Variants in ASB15 observed in about 807,000 individuals in gnomAD.
The protein encoded by ASB15 is ankyrin repeat and SOCS box protein 15.
Under a neutral mutation model 58.0 loss-of-function variants are expected in ASB15, and 54 were observed. That is an observed-to-expected ratio of 0.93 (90% confidence interval 0.75 to 1.17). The LOEUF is 1.17. Among genes scored for constraint, ASB15 ranks in the 50% most tolerant of loss-of-function variants. The pLI is 0.00. For synonymous variants in ASB15, 249 were observed against 262.4 expected (o/e 0.95, Z 0.50); for missense variants, 680 against 707.4 (o/e 0.96, Z 0.44).
chr7:123,572,173 C>T (rs138143283), intron 1 of ASB15, among the ~76,000 whole-genome samples: 1,692 of 110,898 alleles, frequency 0.015, 41 homozygotes, highest in African/African-American at 0.054. Context: ...GACAGAGTCT[C>T]ACTCTGTCAC....
chr7:123,606,359 G>A (rs886857476), intron 2 of ASB15, among the ~76,000 whole-genome samples: 2 of 152,090 alleles, frequency 1.3e-5, no homozygotes, highest in Admixed American at 1.3e-4. Context: ...TCTTCTCGAG[G>A]TCACCAAGGT....
intron 1 of ASB15, among the ~76,000 whole-genome samples, chr7:123,569,946 T>C (rs1283304298): frequency 1.3e-5 from 2 of 152,124 alleles, no homozygotes; most frequent in African/African-American, 4.8e-5. Flanking sequence ...GTTATTATTA[T>C]GTTTTTGACT....
At chr7:123,570,837 T>C (rs1206477689) in intron 1 of ASB15, among the ~76,000 whole-genome samples, 1 of 152,126 alleles carries the variant, frequency 6.6e-6, no homozygotes, top group Admixed American at 6.5e-5. Flanking sequence ...TCTAACAAAT[T>C]TACCTGTCCA....
At chr7:123,609,559 G>A (rs1324335287) in intron 3 of ASB15, among the ~76,000 whole-genome samples, 1 of 152,190 alleles carries the variant, frequency 6.6e-6, no homozygotes, top group Non-Finnish European at 1.5e-5. Context: ...GCCTTGTTTA[G>A]GACTCATAGA....
chr7:123,589,830 T>C (rs1799483575), intron 1 of ASB15, among the ~76,000 whole-genome samples: 1 of 152,224 alleles, frequency 6.6e-6, no homozygotes, highest in Non-Finnish European at 1.5e-5. Context: ...TTCGGGTATA[T>C]ACCCAGTAAT....
Position 123,639,006 on chromosome 7 carries a change from T to C in ASB15, c.*2025T>C, listed in dbSNP as rs1802536353. ...TATATTGAATAAGTGACAAAAATAA[T>C]CAGTGACATCATGGTGAAATAATAG... On this transcript the variant is annotated 3_prime_UTR_variant, in exon 12 of 12. Coordinates refer to ENST00000451215, the MANE Select transcript of ASB15 (RefSeq NM_001290258.2). 6.6e-6 allele frequency: 1 copy of C among 152,204 alleles called. No individual in the cohort carries two copies. The highest frequency in any genetic ancestry group is 2.1e-4 in the South Asian group (1 of 4,834). 9.4% of individuals were successfully genotyped at this position (152,204 alleles called of 1,614,324 possible).
At chr7:123,621,581 A>G (rs1801325733) in intron 7 of ASB15, 1 of 152,216 alleles carries the variant, frequency 6.6e-6, no homozygotes, top group Non-Finnish European at 1.5e-5. Flanking sequence ...TTTTGTCTGT[A>G]CAATGCCATG....
chr7:123,598,356 T>G (rs1584749893), upstream of ASB15, among the ~76,000 whole-genome samples: 1 of 152,132 alleles, frequency 6.6e-6, no homozygotes, highest in Non-Finnish European at 1.5e-5. Context: ...CCTTTAGATA[T>G]CTCTAAATGA....
intron 1 of ASB15, among the ~76,000 whole-genome samples, chr7:123,594,799 G>A (rs909769078): frequency 3.9e-5 from 6 of 152,196 alleles, no homozygotes; most frequent in African/African-American, 1.4e-4. Context: ...CATGCTGGGA[G>A]AACCACTGCT....
rs997887917 is a variant in ASB15 at position 123,637,227 on chromosome 7, T to C, written c.*246T>C. 24 of 264,548 alleles carry C rather than the reference T, an allele frequency of 9.1e-5. No individual in the cohort carries two copies. The highest frequency in any genetic ancestry group is 5.2e-4 in the African/African-American group (23 of 44,636). 16.4% of individuals were successfully genotyped at this position (264,548 alleles called of 1,614,324 possible). ...GCTACAAGTCATCAAACTCTCCCTATCAAGTGGCTCCTACAATATCCACAA... is the reference window on the plus strand; with the variant it reads ...GCTACAAGTCATCAAACTCTCCCTACCAAGTGGCTCCTACAATATCCACAA... On this transcript the variant is annotated 3_prime_UTR_variant, in exon 12 of 12. Transcript: ENST00000451215.
chr7:123,607,132 T>C (rs1288237246), intron 2 of ASB15, among the ~76,000 whole-genome samples: 2 of 152,236 alleles, frequency 1.3e-5, no homozygotes, highest in Non-Finnish European at 2.9e-5. Flanking sequence ...TGTATACATA[T>C]GTCGAATTAT....
At chr7:123,597,431 A>T (rs1436742000), upstream of ASB15, among the ~76,000 whole-genome samples, 1 of 152,184 alleles carries the variant, frequency 6.6e-6, no homozygotes, top group Non-Finnish European at 1.5e-5. Flanking sequence ...TGCTTTATTT[A>T]TAAATTAAAC....
intron 1 of ASB15, among the ~76,000 whole-genome samples, chr7:123,570,092 T>C (rs1370334639): frequency 7.1e-6 from 1 of 141,312 alleles, no homozygotes; most frequent in East Asian, 2.2e-4. Flanking sequence ...TGGCTTGCAG[T>C]GGCACGATCT....
chr7:123,600,190 T>C (rs916412925), upstream of ASB15, among the ~76,000 whole-genome samples: 1 of 152,168 alleles, frequency 6.6e-6, no homozygotes, highest in Non-Finnish European at 1.5e-5. Context: ...AAATAATGCA[T>C]CTACAGAAAC....
intron 1 of ASB15, among the ~76,000 whole-genome samples, chr7:123,603,238 C>T (rs142360231): frequency 1.2e-4 from 18 of 152,228 alleles, no homozygotes; most frequent in African/African-American, 3.9e-4. Flanking sequence ...ATATATGTGT[C>T]TAGCCCTGTG....
intron 3 of ASB15, among the ~76,000 whole-genome samples, chr7:123,612,665 A>G (rs1800533089): frequency 6.6e-6 from 1 of 152,214 alleles, no homozygotes; most frequent in Non-Finnish European, 1.5e-5. Context: ...CTAAGCACAG[A>G]GTGAACAATC....
Position 123,628,875 on chromosome 7 carries a change from A to G in ASB15, c.881A>G (p.Tyr294Cys), listed in dbSNP as rs1325666333. The change falls in exon 10 of 12, where the codon TAT becomes TGT. Residue 294 changes from tyrosine (Y) to cysteine (C), a missense_variant. By Grantham distance (194) the Tyr-to-Cys change is radical (BLOSUM62 -2). Coordinates refer to ENST00000451215, the MANE Select transcript of ASB15 (RefSeq NM_001290258.2). ...AYEGHYLALK[Y>C]LIPVTSKNAI... ...CTTTTTTCTTTTAGTGCACTGAAAT[A>G]TCTTATCCCAGTAACATCTAAAAAT... 1 of 1,537,454 alleles carries G rather than the reference A, an allele frequency of 6.5e-7. No homozygotes were observed. The highest frequency in any genetic ancestry group is 1.3e-5 in the South Asian group (1 of 77,968).
chr7:123,627,090 G>C lies in ASB15; in HGVS notation c.698-20G>C. 6.2e-7 allele frequency: 1 copy of C among 1,604,620 alleles called. No individual in the cohort carries two copies. Among genetic ancestry groups the C allele is most frequent in the Middle Eastern group, 1.7e-4 (1 of 5,938 alleles). On this transcript the variant is annotated intron_variant, in intron 8 of 11. Transcript: ENST00000451215. ...AACAATACCATCCAGTTATCATTAT[G>C]CCACGTTTTATACTGCCAGGTGGTG... is the stretch of plus-strand genomic sequence containing the variant.
rs115995166 is a variant in ASB15 at position 123,634,782 on chromosome 7, G to A, written c.1595-2027G>A. The stretch of plus-strand genomic sequence containing the variant: ...TAGTTATCACCATTATATAGCCTCC[G>A]ATAAATTAATGGATGTAGTCAATGA... On this transcript the variant is annotated intron_variant, in intron 11 of 11. Coordinates refer to ENST00000451215, the MANE Select transcript of ASB15 (RefSeq NM_001290258.2). 9.3e-3 allele frequency among the ~76,000 whole-genome samples: 1,414 copies of A among 152,170 alleles called. 25 individuals carry two copies. The highest frequency in any genetic ancestry group is 0.032 in the African/African-American group (1,338 of 41,520).
Sources: gnomAD v4.1 joint callset for allele counts (sites outside exome capture counted in the v4.1 genomes callset) on GRCh38, gnomAD v4.1.1 for gene constraint, MANE v1.5 for transcripts, NCBI Gene and HGNC (gene_info 2026-07-23, HGNC 2026-07-21) for gene names.